Variants in RBPMS observed in about 807,000 individuals in gnomAD.
RBPMS encodes RNA-binding protein with multiple splicing.
A neutral mutation model predicts 26.8 loss-of-function variants in RBPMS; 7 were observed. The observed-to-expected ratio is 0.26, with a 90% CI of 0.15 to 0.49. The LOEUF is 0.49. Among genes scored for constraint, RBPMS ranks in the 20% least tolerant of loss-of-function variants. The pLI is 0.98. For missense variants in RBPMS, 186 were observed against 250.0 expected (o/e 0.74, Z 1.73); for synonymous variants, 96 against 93.3 (o/e 1.03, Z -0.17).
chr8:30,393,973 G>A (rs965408937), intron 1 of RBPMS, among the ~76,000 whole-genome samples: 1 of 105,894 alleles, frequency 9.4e-6, no homozygotes, highest in African/African-American at 3.8e-5. Context: ...TTATGGTGAC[G>A]GTGCATATTG....
At chr8:30,388,918 A>G (rs1232889936) in intron 1 of RBPMS, among the ~76,000 whole-genome samples, 1 of 152,220 alleles carries the variant, frequency 6.6e-6, no homozygotes, top group African/African-American at 2.4e-5. Context: ...ATGTGCAGAA[A>G]TCATACAGTC....
At chr8:30,439,166 T>A (rs751685567) in intron 1 of RBPMS, among the ~76,000 whole-genome samples, 1 of 152,222 alleles carries the variant, frequency 6.6e-6, no homozygotes, top group Admixed American at 6.5e-5. Context: ...TTGTTCTTAT[T>A]TGAGACTAAA....
At chr8:30,509,996 G>A (rs1821417864) in intron 5 of RBPMS, among the ~76,000 whole-genome samples, 1 of 152,078 alleles carries the variant, frequency 6.6e-6, no homozygotes, top group Non-Finnish European at 1.5e-5. Context: ...ATCTCTTTCT[G>A]CATTTTGAAT....
intron 1 of RBPMS, among the ~76,000 whole-genome samples, chr8:30,441,870 A>G (rs988927611): frequency 2.6e-5 from 4 of 152,134 alleles, no homozygotes; most frequent in South Asian, 4.1e-4. Flanking sequence ...GCTCACTGCA[A>G]TCTCCGCCTC....
chr8:30,462,947 A>G (rs1263914532), intron 1 of RBPMS, among the ~76,000 whole-genome samples: 1 of 152,076 alleles, frequency 6.6e-6, no homozygotes. Flanking sequence ...GAGTCATACT[A>G]TTGGGGTCCG....
intron 5 of RBPMS, among the ~76,000 whole-genome samples, chr8:30,506,960 C>T (rs770925202): frequency 3.3e-5 from 5 of 152,080 alleles, no homozygotes; most frequent in African/African-American, 7.2e-5. Context: ...GCTGTCGTTC[C>T]GGGGAGGTGA....
intron 4 of RBPMS, among the ~76,000 whole-genome samples, chr8:30,496,605 C>T (rs1819987745): frequency 6.6e-6 from 1 of 152,180 alleles, no homozygotes; most frequent in African/African-American, 2.4e-5. Flanking sequence ...GTTGACAAAC[C>T]TGTATTACTT....
rs1047988441 is a variant in RBPMS, at chr8:30,571,186, G to T, written c.*661G>T. 2.0e-5 allele frequency: 3 copies of T among 151,780 alleles called. No homozygotes were observed. 9.4% of individuals were successfully genotyped at this position (151,780 alleles called of 1,614,324 possible). A position where few individuals can be genotyped will look rare whatever the true frequency, so the allele number is the denominator to read the frequency against. ...CAGTTCTAGTAGGACAGCCCTGCAA[G>T]ACAATCAACCAGAAGCCTCCAGGAG... On this transcript the variant is annotated 3_prime_UTR_variant, in exon 9 of 9. Coordinates refer to ENST00000397323, the MANE Select transcript of RBPMS (RefSeq NM_001008710.3).
At chr8:30,421,588 T>A (rs553335393) in intron 1 of RBPMS, among the ~76,000 whole-genome samples, 9 of 152,322 alleles carry the variant, frequency 5.9e-5, no homozygotes, top group African/African-American at 2.2e-4. Flanking sequence ...AGGTACCTAC[T>A]ATGTGCCAAG....
intron 1 of RBPMS, among the ~76,000 whole-genome samples, chr8:30,425,863 T>TA (rs948031935): frequency 3.3e-5 from 5 of 151,920 alleles, no homozygotes; most frequent in African/African-American, 9.7e-5. Context: ...ATTTCATGGG[T>TA]AAAAAAACAG....
chr8:30,412,362 C>A (rs925458891), intron 1 of RBPMS, among the ~76,000 whole-genome samples: 1 of 152,130 alleles, frequency 6.6e-6, no homozygotes, highest in African/African-American at 2.4e-5. Context: ...GGGAACAGGG[C>A]CAGCCCTGAG....
At chr8:30,504,179 C>T (rs570889860) in intron 4 of RBPMS, 107 bp from the exon 5 acceptor site, 9 of 1,177,154 alleles carry the variant, frequency 7.6e-6, no homozygotes, top group South Asian at 5.4e-5. Context: ...TGGTTGCTGA[C>T]CTTTTTTCCT....
At position 30,572,047 on chromosome 8, in the gene RBPMS, G is replaced by C. The variant is rs1303505209; in HGVS notation, c.*1522G>C. 47 of 152,176 alleles carry C rather than the reference G, an allele frequency of 3.1e-4. No individual in the cohort carries two copies. The highest frequency in any genetic ancestry group is 3.1e-3 in the Admixed American group (47 of 15,278). 9.4% of individuals were successfully genotyped at this position (152,176 alleles called of 1,614,324 possible). A position where few individuals can be genotyped will look rare whatever the true frequency, so the allele number is the denominator to read the frequency against. ...AGGGGCTCTTTCTTACCGTAAATAA[G>C]GGGAAAAGGCAGTTAGCTCAAGGAC... is the stretch of plus-strand genomic sequence containing the variant. On this transcript the variant is annotated 3_prime_UTR_variant, in exon 9 of 9. Transcript: ENST00000397323.
At chr8:30,408,397 C>T (rs560881141) in intron 1 of RBPMS, among the ~76,000 whole-genome samples, 18 of 152,134 alleles carry the variant, frequency 1.2e-4, no homozygotes, top group Non-Finnish European at 2.5e-4. Flanking sequence ...AGCGTGGTGG[C>T]GGGTGCCTGT....
At chr8:30,545,728 C>T (rs1339159067) in intron 6 of RBPMS, 4 of 152,146 alleles carry the variant, frequency 2.6e-5, no homozygotes, top group South Asian at 4.2e-4. Flanking sequence ...GTCATGGGGT[C>T]GAGATTGTTG....
intron 6 of RBPMS, among the ~76,000 whole-genome samples, chr8:30,552,175 A>C (rs915716749): frequency 2.6e-5 from 4 of 152,084 alleles, no homozygotes; most frequent in African/African-American, 9.7e-5. Context: ...TACCGAGAGG[A>C]GGCCGTCTGG....
chr8:30,480,839 C>T (rs1181566697), intron 4 of RBPMS, among the ~76,000 whole-genome samples: 2 of 152,168 alleles, frequency 1.3e-5, no homozygotes, highest in African/African-American at 4.8e-5. Flanking sequence ...TTATTTTAAC[C>T]AGGTGGGAAC....
chr8:30,553,426 T>A (rs1012210626), intron 6 of RBPMS: 21 of 152,178 alleles, frequency 1.4e-4, no homozygotes, highest in African/African-American at 4.8e-4. Flanking sequence ...GAGTTTGGAG[T>A]TTCTTGGACC....
intron 5 of RBPMS, among the ~76,000 whole-genome samples, chr8:30,533,191 T>C (rs187023428): frequency 3.9e-5 from 6 of 152,198 alleles, no homozygotes; most frequent in Admixed American, 3.9e-4. Context: ...TGTGGCCTCA[T>C]GGCTTAACAC....
Sources: gnomAD v4.1 joint callset for allele counts (sites outside exome capture counted in the v4.1 genomes callset) on GRCh38, gnomAD v4.1.1 for gene constraint, MANE v1.5 for transcripts, NCBI Gene and HGNC (gene_info 2026-07-23, HGNC 2026-07-21) for gene names.